Variants in CD247 observed in about 807,000 individuals in gnomAD.
CD247 encodes T-cell surface glycoprotein CD3 zeta chain.
In CD247, 13 loss-of-function variants were observed where a neutral mutation model predicts 30.0. The observed-to-expected ratio is 0.43, with a 90% CI of 0.28 to 0.69. The LOEUF is 0.69. CD247 is among the 30% of genes least tolerant of loss of function. CD247 has a pLI of 0.16. For synonymous variants in CD247, 72 were observed against 80.0 expected, an observed-to-expected ratio of 0.90 and a Z score of 0.53; for missense variants, 193 against 212.6, an observed-to-expected ratio of 0.91 and a Z score of 0.57.
intron 1 of CD247, among the ~76,000 whole-genome samples, chr1:167,481,855 A>T (rs1457474887): frequency 1.3e-5 from 2 of 152,188 alleles, no homozygotes; most frequent in East Asian, 1.9e-4. Context: ...CAAAGGGGAC[A>T]CACTGAGGCC....
chr1:167,459,405 T>C (rs1004963088), intron 1 of CD247, among the ~76,000 whole-genome samples: 3 of 136,708 alleles, frequency 2.2e-5, no homozygotes, highest in Non-Finnish European at 3.1e-5. Context: ...CAGGCTGGAG[T>C]GCAGTGGCAT....
At chr1:167,502,194 G>A (rs1040295988) in intron 1 of CD247, among the ~76,000 whole-genome samples, 2 of 152,152 alleles carry the variant, frequency 1.3e-5, no homozygotes, top group African/African-American at 4.8e-5. Flanking sequence ...CCACCTAATG[G>A]CAAAGCCCTG....
intron 1 of CD247, among the ~76,000 whole-genome samples, chr1:167,471,006 G>A (rs957799736): frequency 2.0e-4 from 31 of 151,712 alleles, no homozygotes; most frequent in African/African-American, 7.0e-4. Context: ...CGAGTAGCTG[G>A]GACTACAGGC....
intron 1 of CD247, among the ~76,000 whole-genome samples, chr1:167,454,426 T>C (rs1652528911): frequency 6.6e-6 from 1 of 152,152 alleles, no homozygotes; most frequent in Non-Finnish European, 1.5e-5. Flanking sequence ...AACCCTTACA[T>C]CAAAGAAGGT....
chr1:167,482,454 A>G (rs1654012531), intron 1 of CD247, among the ~76,000 whole-genome samples: 1 of 152,172 alleles, frequency 6.6e-6, no homozygotes, highest in African/African-American at 2.4e-5. Flanking sequence ...GGGTGGAGTG[A>G]ACGTCTTTCC....
At chr1:167,439,279 G>T in intron 3 of CD247, 65 bp downstream of exon 3, 3 of 1,458,614 alleles carry the variant, frequency 2.1e-6, no homozygotes, top group Non-Finnish European at 2.9e-6. Context: ...TGGCGGGCGC[G>T]TTCCCTAGGT....
chr1:167,518,309 G>C (rs1407989258), intron 1 of CD247, 99 bp downstream of exon 1: 5 of 1,112,426 alleles, frequency 4.5e-6, no homozygotes, highest in Non-Finnish European at 5.5e-6. Context: ...ATTTGAAGGA[G>C]ACCCCAGCCC....
intron 1 of CD247, among the ~76,000 whole-genome samples, chr1:167,508,499 C>T (rs557784437): frequency 9.9e-4 from 151 of 152,294 alleles, no homozygotes; most frequent in Non-Finnish European, 1.9e-3. Flanking sequence ...AAAGGATAAT[C>T]CTCTTTGCCA....
At chr1:167,483,900 G>A (rs77431352) in intron 1 of CD247, among the ~76,000 whole-genome samples, 4 of 152,336 alleles carry the variant, frequency 2.6e-5, no homozygotes, top group Admixed American at 6.5e-5. Flanking sequence ...AGCCACTTCC[G>A]GAGGAACAGG....
At chr1:167,511,135 A>G (rs977079729) in intron 1 of CD247, among the ~76,000 whole-genome samples, 2 of 152,210 alleles carry the variant, frequency 1.3e-5, no homozygotes, top group African/African-American at 4.8e-5. Context: ...TCATTCAAAG[A>G]TAACTCTCCC....
intron 1 of CD247, among the ~76,000 whole-genome samples, chr1:167,479,482 A>C (rs1653881422): frequency 1.3e-5 from 2 of 152,164 alleles, no homozygotes; most frequent in East Asian, 3.8e-4. Flanking sequence ...CGATTACATG[A>C]TGTGACATAT....
At chr1:167,442,978 C>G (rs972020281) in intron 1 of CD247, among the ~76,000 whole-genome samples, 2 of 152,148 alleles carry the variant, frequency 1.3e-5, no homozygotes, top group African/African-American at 4.8e-5. Flanking sequence ...CTTTTCCCCC[C>G]ATTCTTCCTT....
rs141050552 is a variant in CD247 at position 167,454,354 on chromosome 1, C to CT, written c.59-13588dup. ...ACACCTTTTTGTGGTGTTTGGAACT[C>CT]TAACTATGATAGTATATAATATTTA... On this transcript the variant is annotated intron_variant, in intron 1 of 7. Transcript: ENST00000362089. Among the ~76,000 whole-genome samples the CT allele has an allele frequency of 3.1e-3, 475 of 152,246 alleles. 1 individual carries two copies. Among genetic ancestry groups the CT allele is most frequent in the African/African-American group, 0.011 (448 of 41,540 alleles).
chr1:167,452,973 A>G (rs1383516828), intron 1 of CD247, among the ~76,000 whole-genome samples: 1 of 140,936 alleles, frequency 7.1e-6, no homozygotes, highest in Non-Finnish European at 1.6e-5. Context: ...GTACATATAT[A>G]CATAGAGAGC....
chr1:167,437,069 G>T (rs554131925), intron 4 of CD247, among the ~76,000 whole-genome samples: 2 of 152,098 alleles, frequency 1.3e-5, no homozygotes, highest in African/African-American at 2.4e-5. Context: ...ACGGCTGGGC[G>T]CGGGGGCTTA....
intron 1 of CD247, among the ~76,000 whole-genome samples, chr1:167,441,930 G>A (rs965957875): frequency 1.3e-5 from 2 of 152,180 alleles, no homozygotes; most frequent in Admixed American, 6.5e-5. Context: ...GGCCAACGTG[G>A]TGAAACCCCA....
chr1:167,516,497 A>G (rs997713312), intron 1 of CD247, among the ~76,000 whole-genome samples: 3 of 152,234 alleles, frequency 2.0e-5, no homozygotes, highest in African/African-American at 7.2e-5. Flanking sequence ...GAGCAAGAAA[A>G]GAGAGAAGAC....
intron 1 of CD247, among the ~76,000 whole-genome samples, chr1:167,456,925 C>G (rs1652704778): frequency 6.6e-6 from 1 of 152,224 alleles, no homozygotes; most frequent in Admixed American, 6.5e-5. Flanking sequence ...GACATCATAC[C>G]TAACACGGCT....
intron 1 of CD247, among the ~76,000 whole-genome samples, chr1:167,515,651 T>G (rs2982479): frequency 0.13 from 19,348 of 152,254 alleles, 1,975 homozygotes; most frequent in African/African-American, 0.28. Context: ...TTTGCTGCTT[T>G]TTCACTATCG....
Sources: allele counts gnomAD v4.1 joint callset (sites outside exome capture counted in the v4.1 genomes callset), GRCh38; gene constraint gnomAD v4.1.1; transcripts MANE v1.5; gene names NCBI Gene and HGNC (gene_info 2026-07-23, HGNC 2026-07-21).